NKX2-2: variants seen among roughly 807,000 people sequenced by gnomAD.
The protein encoded by NKX2-2 is homeobox protein Nkx-2.2.
In NKX2-2, 8 loss-of-function variants were observed where a neutral mutation model predicts 24.6. The ratio of observed to expected loss-of-function variants is 0.32; its 90% confidence interval spans 0.19 to 0.59. The LOEUF is 0.59. NKX2-2 is among the 20% of genes least tolerant of loss of function. The probability of loss-of-function intolerance (pLI) is 0.86; values close to 1 mark genes in which losing one functional copy is unlikely to be tolerated. For missense variants in NKX2-2, 381 were observed against 373.9 expected, an observed-to-expected ratio of 1.02 and a Z score of -0.16; for synonymous variants, 217 against 173.3, an observed-to-expected ratio of 1.25 and a Z score of -1.98.
upstream of NKX2-2, among the ~76,000 whole-genome samples, chr20:21,516,378 T>C (rs1980638648): frequency 6.7e-6 from 1 of 150,358 alleles, no homozygotes; most frequent in South Asian, 2.1e-4. Flanking sequence ...CTCGAACCCA[T>C]TACTTTTCGT....
At chr20:21,518,867 G>A (rs1980703657), upstream of NKX2-2, among the ~76,000 whole-genome samples, 1 of 152,228 alleles carries the variant, frequency 6.6e-6, no homozygotes, top group Non-Finnish European at 1.5e-5. Context: ...TGGGCTCCGT[G>A]GACGGCATCC....
chr20:21,512,772 A>G (rs534618092), intron 1 of NKX2-2, among the ~76,000 whole-genome samples: 16 of 152,286 alleles, frequency 1.1e-4, no homozygotes, highest in Non-Finnish European at 1.6e-4. Flanking sequence ...ACTGAAGATC[A>G]TCGCGGGTTA....
At chr20:21,519,698 C>T in the NKX2-2 span, among the ~76,000 whole-genome samples, 1 of 152,232 alleles carries the variant, frequency 6.6e-6, no homozygotes, top group African/African-American at 2.4e-5. Flanking sequence ...GAGTACTACC[C>T]CGTGCTGGGA....
chr20:21,516,038 A>G (rs769262306), upstream of NKX2-2, among the ~76,000 whole-genome samples: 1 of 152,192 alleles, frequency 6.6e-6, no homozygotes, highest in Non-Finnish European at 1.5e-5. Flanking sequence ...AAATGTAGAC[A>G]AATGTCCCGC....
rs916595539 is a variant in NKX2-2 at position 21,513,604 on chromosome 20, G to T, written c.66C>A (p.Asn22Lys). ...CTTCGGCCACAGAGCCCTCCTCATC[G>T]TTGGTGTCCGGCAGGTCTAAGATGT... ...VKDILDLPDT[N>K]DEEGSVAEGP... The change falls in exon 1 of 2, where the codon AAC (asparagine) becomes AAA (lysine). Residue 22 changes from asparagine to lysine, a missense_variant. Asn to Lys is a moderately conservative substitution (Grantham distance 94). Transcript: ENST00000377142. The surrounding 1 kb of genome is among the most constrained non-coding windows in gnomAD (Gnocchi z 4.6). 2 of 1,613,000 alleles carry T rather than the reference G, an allele frequency of 1.2e-6. No individual in the cohort carries two copies. The highest frequency in any genetic ancestry group is 2.2e-5 in the East Asian group (1 of 44,788).
chr20:21,521,798 C>G, the NKX2-2 span, among the ~76,000 whole-genome samples: 1 of 152,224 alleles, frequency 6.6e-6, no homozygotes, highest in African/African-American at 2.4e-5. Flanking sequence ...CCAGGCGCTC[C>G]GCGCGCCCGC....
Position 21,513,723 on chromosome 20 carries a change from C to A in NKX2-2, c.-54G>T. On this transcript the variant is annotated 5_prime_UTR_variant, in exon 1 of 2. Coordinates refer to ENST00000377142, the MANE Select transcript of NKX2-2 (RefSeq NM_002509.4). This position sits in a 1 kb window ranked among gnomAD's most constrained non-coding sequence, Gnocchi z 4.6. Reference sequence around the variant, plus strand: ...AAGTTGTAGCTTCACTTGGTCAATTCGTGGCGCTCCCCTGCCCCGGCGGGC... The same window carrying A: ...AAGTTGTAGCTTCACTTGGTCAATTAGTGGCGCTCCCCTGCCCCGGCGGGC... 1 of 1,125,454 alleles carries A rather than the reference C, an allele frequency of 8.9e-7. No individual in the cohort carries two copies. The highest frequency in any genetic ancestry group is 8.5e-5 in the East Asian group (1 of 11,780). The allele number at this position is 1,125,454 out of a possible 1,614,324, so 69.7% of individuals were successfully genotyped here.
At position 21,513,451 on chromosome 20, in the gene NKX2-2, G is replaced by A; in HGVS notation, c.219C>T (p.Tyr73=). 1 of 1,601,934 alleles carries A rather than the reference G, an allele frequency of 6.2e-7. No individual in the cohort carries two copies. The highest frequency in any genetic ancestry group is 8.5e-7 in the Non-Finnish European group (1 of 1,174,236). The part of the protein sequence containing the change: ...NPFYDSSDNP[Y]TRWLASTEGL... ...CCTCGGTGCTGGCCAGCCAGCGCGT[G>A]TACGGGTTGTCGCTGCTGTCGTAGA... is the stretch of plus-strand genomic sequence containing the variant. The change falls in exon 1 of 2, where the codon TAC becomes TAT. Residue 73 remains tyrosine, a synonymous_variant. Transcript: ENST00000377142. This position sits in a 1 kb window ranked among gnomAD's most constrained non-coding sequence, Gnocchi z 4.6.
Position 21,513,743 on chromosome 20 carries a change from G to T in NKX2-2, c.-74C>A. Reference sequence around the variant, plus strand: ...CAATTCGTGGCGCTCCCCTGCCCCGGCGGGCGGGGGAGGGGGGAGTTGGGG... The same window carrying T: ...CAATTCGTGGCGCTCCCCTGCCCCGTCGGGCGGGGGAGGGGGGAGTTGGGG... On this transcript the variant is annotated 5_prime_UTR_variant, in exon 1 of 2. Transcript: ENST00000377142. This position sits in a 1 kb window ranked among gnomAD's most constrained non-coding sequence, Gnocchi z 4.6. 1 of 1,318,490 alleles carries T rather than the reference G, an allele frequency of 7.6e-7. No homozygotes were observed. Among genetic ancestry groups the T allele is most frequent in the Non-Finnish European group, 9.9e-7 (1 of 1,006,350 alleles). 81.7% of individuals were successfully genotyped at this position (1,318,490 alleles called of 1,614,324 possible). A position where few individuals can be genotyped will look rare whatever the true frequency, so the allele number is the denominator to read the frequency against.
At chr20:21,516,023 G>C (rs1441321815), upstream of NKX2-2, among the ~76,000 whole-genome samples, 3 of 152,250 alleles carry the variant, frequency 2.0e-5, no homozygotes, top group Non-Finnish European at 4.4e-5. Flanking sequence ...TGCGGACAAT[G>C]AGCGAAATGT....
chr20:21,511,965 C>A lies in NKX2-2; in HGVS notation c.780G>T (p.Pro260=). 6.2e-7 allele frequency: 1 copy of A among 1,607,976 alleles called. No homozygotes were observed. The highest frequency in any genetic ancestry group is 1.1e-5 in the South Asian group (1 of 90,954). ...QYSSASTPQY[P]TAHPLVQAQQ... is the part of the protein sequence containing the mutation. ...GGGCCTGGACCAGGGGGTGTGCTGT[C>A]GGGTACTGGGGGGTGCTGGCCGAGC... Residue 260 remains proline (P), a synonymous_variant, in exon 2 of 2, where the codon CCG becomes CCT. Coordinates refer to ENST00000377142, the MANE Select transcript of NKX2-2 (RefSeq NM_002509.4).
At chr20:21,521,178 A>G in the NKX2-2 span, among the ~76,000 whole-genome samples, 2 of 151,980 alleles carry the variant, frequency 1.3e-5, no homozygotes, top group African/African-American at 4.8e-5. Flanking sequence ...TCTCTCTCCA[A>G]TGTGAGCCCC....
At chr20:21,519,042 C>A (rs1980708861), upstream of NKX2-2, among the ~76,000 whole-genome samples, 4 of 152,150 alleles carry the variant, frequency 2.6e-5, no homozygotes, top group African/African-American at 9.7e-5. Flanking sequence ...GGTCTTGGGG[C>A]CTGCTCTAAA....
the NKX2-2 span, among the ~76,000 whole-genome samples, chr20:21,521,507 C>T: frequency 6.6e-6 from 1 of 152,180 alleles, no homozygotes; most frequent in Non-Finnish European, 1.5e-5. Context: ...GCCCTCAGCC[C>T]CGGCTCCTCC....
chr20:21,520,263 C>A, the NKX2-2 span, among the ~76,000 whole-genome samples: 2 of 151,772 alleles, frequency 1.3e-5, no homozygotes, highest in Non-Finnish European at 2.9e-5. Context: ...AGTCCCCCTG[C>A]GATTAACTGT....
Position 21,513,729 on chromosome 20 carries a change from G to T in NKX2-2, c.-60C>A. 1.8e-6 allele frequency: 2 copies of T among 1,131,414 alleles called. No homozygotes were observed. Among genetic ancestry groups the T allele is most frequent in the Non-Finnish European group, 1.1e-6 (1 of 908,126 alleles). The allele number at this position is 1,131,414 out of a possible 1,614,324, so 70.1% of individuals were successfully genotyped here. A position where few individuals can be genotyped will look rare whatever the true frequency, so the allele number is the denominator to read the frequency against. ...TAGCTTCACTTGGTCAATTCGTGGC[G>T]CTCCCCTGCCCCGGCGGGCGGGGGA... On this transcript the variant is annotated 5_prime_UTR_variant, in exon 1 of 2. Coordinates refer to ENST00000377142, the MANE Select transcript of NKX2-2 (RefSeq NM_002509.4). The surrounding 1 kb of genome is among the most constrained non-coding windows in gnomAD (Gnocchi z 4.6).
In NKX2-2 at chr20:21,511,831, T is replaced by C. The variant is rs1025809508; in HGVS notation, c.*92A>G. 30 of 890,532 alleles carry C rather than the reference T, an allele frequency of 3.4e-5. No individual in the cohort carries two copies. Among genetic ancestry groups the C allele is most frequent in the Non-Finnish European group, 4.9e-5 (30 of 615,044 alleles). 55.2% of individuals were successfully genotyped at this position (890,532 alleles called of 1,614,324 possible). On this transcript the variant is annotated 3_prime_UTR_variant, in exon 2 of 2. Transcript: ENST00000377142. ...TCCATAATAATAATTATAATAATAA[T>C]AATAACCACCATAAGGACCGAGGCC...
intron 1 of NKX2-2, among the ~76,000 whole-genome samples, 191 bp from the exon 2 acceptor site, chr20:21,512,676 G>A (rs1980485013): frequency 6.6e-6 from 1 of 152,176 alleles, no homozygotes; most frequent in Admixed American, 6.5e-5. Context: ...CCAGGGTAAA[G>A]AGGGAAATCC....
Position 21,512,186 on chromosome 20 carries a change from G to A in NKX2-2, c.559C>T (p.Arg187Trp). The A allele has an allele frequency of 1.9e-6, 3 of 1,613,934 alleles. No homozygotes were observed. The highest frequency in any genetic ancestry group is 1.3e-5 in the African/African-American group (1 of 75,036). ...QNHRYKMKRA[R>W]AEKGMEVTPL... ...GTCACCTCCATACCTTTCTCGGCCC[G>A]GGCGCGCTTCATCTTGTAGCGGTGG... The change falls in exon 2 of 2, where the codon CGG (arginine) becomes TGG (tryptophan). Residue 187 changes from arginine to tryptophan, a missense_variant. Arg to Trp is a moderately radical substitution (Grantham distance 101, BLOSUM62 -3). Around this residue, in one of 3 missense-constraint regions of NKX2-2, gnomAD observed 139 missense variants for 121.7 expected, o/e 1.14. Coordinates refer to ENST00000377142, the MANE Select transcript of NKX2-2 (RefSeq NM_002509.4).
Sources: allele counts gnomAD v4.1 joint callset (sites outside exome capture counted in the v4.1 genomes callset), GRCh38; gene constraint gnomAD v4.1.1; regional missense constraint gnomAD v4.1.1; non-coding constraint Gnocchi (gnomAD v3.1); transcripts MANE v1.5; gene names NCBI Gene and HGNC (gene_info 2026-07-23, HGNC 2026-07-21).